DIP2C: variants seen among roughly 807,000 people sequenced by gnomAD.
DIP2C encodes DIP2 acetate--CoA ligase C (putative), also known as disco-interacting protein 2 homolog C.
In DIP2C, 33 loss-of-function variants were observed where a neutral mutation model predicts 192.4. The ratio of observed to expected loss-of-function variants is 0.17; its 90% CI spans 0.13 to 0.23. The LOEUF (loss-of-function observed/expected upper bound fraction) is 0.23, where lower values mean the gene tolerates loss of function less well. DIP2C is among the 10% of genes least tolerant of loss of function. DIP2C has a pLI of 1.00. For synonymous variants in DIP2C, 979 were observed against 864.1 expected (o/e 1.13, Z -2.33); for missense variants, 1,537 against 2,110.1 (o/e 0.73, Z 5.32).
Position 597,316 on chromosome 10 carries a change from C to T in DIP2C, c.85+92178G>A, listed in dbSNP as rs911443286. 3.3e-5 allele frequency among the ~76,000 whole-genome samples: 5 copies of T among 152,334 alleles called. No individual in the cohort carries two copies. The East Asian group carries it at 9.6e-4, about 29-fold the overall frequency. Reference sequence around the variant, plus strand: ...GCAGTGGGTCCTGGGGCTTCTTGGCCTCCGTAGCCCCTGCAGCAAGCCTCC... The same window carrying T: ...GCAGTGGGTCCTGGGGCTTCTTGGCTTCCGTAGCCCCTGCAGCAAGCCTCC... On this transcript the variant is annotated intron_variant, in intron 1 of 36. Coordinates refer to ENST00000280886, the MANE Select transcript of DIP2C (RefSeq NM_014974.3).
intron 1 of DIP2C, among the ~76,000 whole-genome samples, chr10:653,763 T>C (rs1243150563): frequency 6.6e-6 from 1 of 152,226 alleles, no homozygotes; most frequent in Non-Finnish European, 1.5e-5. Flanking sequence ...CTCCGAGGAC[T>C]CAGCAATCAT....
chr10:432,244 C>T (rs1412721918), intron 4 of DIP2C, among the ~76,000 whole-genome samples: 4 of 152,100 alleles, frequency 2.6e-5, no homozygotes, highest in Admixed American at 2.6e-4. Flanking sequence ...CTTTTATGTT[C>T]TGAAAGAGAT....
chr10:598,946 CCAA>C (rs1476885410), intron 1 of DIP2C, among the ~76,000 whole-genome samples: 9 of 152,246 alleles, frequency 5.9e-5, no homozygotes, highest in African/African-American at 1.9e-4. Context: ...GAACATCCTT[CCAA>C]CAACGACTTT....
intron 29 of DIP2C, among the ~76,000 whole-genome samples, chr10:338,619 T>A (rs529118067): frequency 6.6e-6 from 1 of 152,256 alleles, no homozygotes; most frequent in South Asian, 2.1e-4. Flanking sequence ...AAACTCCATG[T>A]TTACATAATG....
At chr10:543,184 C>T (rs531313046) in intron 1 of DIP2C, among the ~76,000 whole-genome samples, 2 of 152,374 alleles carry the variant, frequency 1.3e-5, no homozygotes, top group Admixed American at 1.3e-4. Flanking sequence ...GTTCCTGAAT[C>T]TTCTGCGTTA....
intron 3 of DIP2C, among the ~76,000 whole-genome samples, chr10:441,346 G>A (rs193224507): frequency 7.6e-4 from 114 of 149,146 alleles, no homozygotes; most frequent in African/African-American, 2.9e-3. Context: ...CTGCTGAGAG[G>A]CTGTGCATGC....
intron 22 of DIP2C, among the ~76,000 whole-genome samples, chr10:361,761 G>A (rs992892920): frequency 1.3e-5 from 2 of 152,230 alleles, no homozygotes; most frequent in East Asian, 1.9e-4. Flanking sequence ...TTTACGTCCC[G>A]AGGCGGCAGA....
intron 1 of DIP2C, among the ~76,000 whole-genome samples, chr10:498,415 A>C (rs895135510): frequency 6.6e-6 from 1 of 152,148 alleles, no homozygotes; most frequent in Non-Finnish European, 1.5e-5. Flanking sequence ...TTCCACTCAC[A>C]ATCAGCAGTC....
chr10:455,391 AGT>A (rs1969216667), intron 3 of DIP2C, among the ~76,000 whole-genome samples: 1 of 110,810 alleles, frequency 9.0e-6, no homozygotes, highest in African/African-American at 3.4e-5. Flanking sequence ...GACCGTGAGG[AGT>A]AAATGAGATG....
intron 1 of DIP2C, among the ~76,000 whole-genome samples, chr10:640,643 G>A (rs1245900803): frequency 2.0e-5 from 3 of 150,840 alleles, no homozygotes; most frequent in African/African-American, 7.4e-5. Flanking sequence ...GGGGATGAGG[G>A]TGCGCGCGGG....
At chr10:449,920 C>CAACAAAAAAAAAAAA (rs1408389732) in intron 3 of DIP2C, among the ~76,000 whole-genome samples, 1 of 135,912 alleles carries the variant, frequency 7.4e-6, no homozygotes, top group African/African-American at 3.0e-5. Context: ...TCAACAACAA[C>CAACAAAAAAAAAAAA]AAAAAAAAAA....
intron 10 of DIP2C, among the ~76,000 whole-genome samples, chr10:396,370 A>G (rs1182353373): frequency 6.6e-6 from 1 of 152,184 alleles, no homozygotes; most frequent in Non-Finnish European, 1.5e-5. Flanking sequence ...TATCCAAATC[A>G]TTTTCCTCTA....
chr10:306,707 CTG>C (rs1956341486), intron 32 of DIP2C, among the ~76,000 whole-genome samples: 1 of 152,264 alleles, frequency 6.6e-6, no homozygotes. Flanking sequence ...TTCTCACCCT[CTG>C]TGGTCAGCAG....
At chr10:369,699 G>C (rs1184924102) in intron 17 of DIP2C, 66 bp from the exon 18 acceptor site, 1 of 1,612,376 alleles carries the variant, frequency 6.2e-7, no homozygotes, top group South Asian at 1.1e-5. Context: ...CAGATGTGCA[G>C]TCAGCACACA....
chr10:372,701 A>G (rs555780476), intron 17 of DIP2C, among the ~76,000 whole-genome samples: 267 of 149,042 alleles, frequency 1.8e-3, no homozygotes, highest in African/African-American at 5.5e-3. Context: ...ACACACAGCC[A>G]GGCACAGAAG....
At chr10:668,277 A>G (rs954557079) in intron 1 of DIP2C, 2 of 152,232 alleles carry the variant, frequency 1.3e-5, no homozygotes, top group African/African-American at 2.4e-5. Context: ...CTCATACAAC[A>G]TACAACATAT....
intron 14 of DIP2C, among the ~76,000 whole-genome samples, chr10:386,325 T>C (rs1390363280): frequency 1.8e-4 from 27 of 152,216 alleles, no homozygotes; most frequent in Non-Finnish European, 1.5e-5. Flanking sequence ...AACTGAGGTT[T>C]GGATTTGAGA....
At position 411,022 on chromosome 10, in the gene DIP2C, C is replaced by A. The variant is rs991547071; in HGVS notation, c.1058-2005G>T. Reference sequence around the variant, plus strand: ...AGAGTGTAACTGGTGAGGGGAGAGGCGGTGGGTGGCGAAGGGCTGAACCGG... The same window carrying A: ...AGAGTGTAACTGGTGAGGGGAGAGGAGGTGGGTGGCGAAGGGCTGAACCGG... On this transcript the variant is annotated intron_variant, in intron 8 of 36. Coordinates refer to ENST00000280886, the MANE Select transcript of DIP2C (RefSeq NM_014974.3). 2.6e-5 allele frequency among the ~76,000 whole-genome samples: 4 copies of A among 152,124 alleles called. No individual in the cohort carries two copies. In the South Asian group the frequency reaches 8.3e-4, roughly 32 times the overall value.
chr10:653,170 C>A (rs773469405), intron 1 of DIP2C, among the ~76,000 whole-genome samples: 1 of 152,130 alleles, frequency 6.6e-6, no homozygotes, highest in Non-Finnish European at 1.5e-5. Context: ...TCATGGCAGC[C>A]AGGCACAGTG....
Sources: gnomAD v4.1 joint callset for allele counts (sites outside exome capture counted in the v4.1 genomes callset) on GRCh38, gnomAD v4.1.1 for gene constraint, MANE v1.5 for transcripts, NCBI Gene and HGNC (gene_info 2026-07-23, HGNC 2026-07-21) for gene names.